Variants in DAB1 observed in about 807,000 individuals in gnomAD.
DAB1 encodes the protein DAB adaptor protein 1.
DAB1 carries 15 observed loss-of-function variants against 64.6 expected under a neutral mutation model. The ratio of observed to expected loss-of-function variants is 0.23; its 90% CI spans 0.16 to 0.36. DAB1 has a LOEUF of 0.36. Ranked by LOEUF, DAB1 falls within the 10% of genes least tolerant of loss-of-function variation. The probability of loss-of-function intolerance (pLI) is 1.00; values close to 1 mark genes in which losing one functional copy is unlikely to be tolerated. For synonymous variants in DAB1, 235 were observed against 251.9 expected (o/e 0.93, Z 0.64); for missense variants, 596 against 706.7 (o/e 0.84, Z 1.78).
At chr1:58,292,241 A>T (rs1055114802) in intron 4 of DAB1, among the ~76,000 whole-genome samples, 1 of 152,110 alleles carries the variant, frequency 6.6e-6, no homozygotes, top group Non-Finnish European at 1.5e-5. Context: ...AGCTTCCGTA[A>T]TTGTGTGCTC....
chr1:58,392,176 G>A (rs1009813112), intron 3 of DAB1, among the ~76,000 whole-genome samples: 2 of 152,090 alleles, frequency 1.3e-5, no homozygotes, highest in African/African-American at 4.8e-5. Flanking sequence ...AGAGTTGAGG[G>A]GAAGAAAGAT....
chr1:57,532,897 A>T (rs1204632225), intron 7 of DAB1, among the ~76,000 whole-genome samples: 1 of 152,208 alleles, frequency 6.6e-6, no homozygotes, highest in Non-Finnish European at 1.5e-5. Context: ...TAATCATTTT[A>T]TATGTATTAA....
At chr1:57,362,472 T>C (rs1167732836) in intron 1 of DAB1, among the ~76,000 whole-genome samples, 2 of 152,284 alleles carry the variant, frequency 1.3e-5, no homozygotes, top group East Asian at 3.9e-4. Flanking sequence ...TAACCACTGA[T>C]ATGGTTGGAA....
At chr1:58,148,709 G>A (rs113031901) in intron 5 of DAB1, among the ~76,000 whole-genome samples, 3 of 152,130 alleles carry the variant, frequency 2.0e-5, no homozygotes, top group African/African-American at 7.2e-5. Context: ...CAGGGGAACT[G>A]CCCTTTATAA....
intron 4 of DAB1, among the ~76,000 whole-genome samples, chr1:58,177,037 A>G (rs1044209569): frequency 2.6e-5 from 4 of 152,164 alleles, no homozygotes; most frequent in African/African-American, 9.7e-5. Context: ...TTAAATTTCA[A>G]TATGAATTTT....
intron 6 of DAB1, among the ~76,000 whole-genome samples, chr1:57,729,355 A>T (rs1008226856): frequency 8.5e-5 from 13 of 152,180 alleles, no homozygotes; most frequent in African/African-American, 3.1e-4. Flanking sequence ...GGTGTCACAT[A>T]TGAGCCCAGC....
At chr1:58,435,814 T>C (rs1644937650) in intron 3 of DAB1, among the ~76,000 whole-genome samples, 1 of 152,374 alleles carries the variant, frequency 6.6e-6, no homozygotes, top group Admixed American at 6.5e-5. Context: ...AACTGTTCCA[T>C]AATTTATAAG....
At chr1:57,845,124 A>G (rs1293705670) in intron 1 of DAB1, among the ~76,000 whole-genome samples, 1 of 152,158 alleles carries the variant, frequency 6.6e-6, no homozygotes, top group African/African-American at 2.4e-5. Context: ...AGTCTCATTC[A>G]TGATATGGCC....
intron 5 of DAB1, among the ~76,000 whole-genome samples, chr1:57,890,153 G>A (rs1488083916): frequency 2.0e-5 from 3 of 152,146 alleles, no homozygotes; most frequent in Non-Finnish European, 4.4e-5. Flanking sequence ...AGGTTTGAGT[G>A]ATTGGAGTTA....
chr1:58,083,912 A>G (rs779715929), intron 5 of DAB1, among the ~76,000 whole-genome samples: 28 of 152,176 alleles, frequency 1.8e-4, no homozygotes, highest in Non-Finnish European at 3.5e-4. Flanking sequence ...CCATGAAAAA[A>G]TGTTTAAGTA....
intron 7 of DAB1, among the ~76,000 whole-genome samples, chr1:57,538,987 C>G (rs1401313513): frequency 6.6e-6 from 1 of 152,172 alleles, no homozygotes; most frequent in Non-Finnish European, 1.5e-5. Flanking sequence ...AAAATTGCAG[C>G]CTTAGCATTT....
intron 3 of DAB1, among the ~76,000 whole-genome samples, chr1:58,477,170 GC>G (rs1645427122): frequency 6.6e-6 from 1 of 152,120 alleles, no homozygotes; most frequent in Non-Finnish European, 1.5e-5. Flanking sequence ...AGTAAATGAT[GC>G]CATTTGTCCT....
intron 2 of DAB1, among the ~76,000 whole-genome samples, chr1:57,241,781 G>A (rs909156417): frequency 6.6e-6 from 1 of 152,084 alleles, no homozygotes; most frequent in African/African-American, 2.4e-5. Flanking sequence ...TCCATGGAAG[G>A]GAAGCTTTGG....
intron 7 of DAB1, among the ~76,000 whole-genome samples, chr1:57,575,929 C>A (rs956760182): frequency 6.6e-6 from 1 of 151,990 alleles, no homozygotes; most frequent in East Asian, 1.9e-4. Context: ...ATTAGGTTCA[C>A]CCCCCAAAAA....
intron 4 of DAB1, among the ~76,000 whole-genome samples, chr1:58,325,567 C>T (rs755600843): frequency 2.0e-5 from 3 of 152,118 alleles, no homozygotes; most frequent in Non-Finnish European, 4.4e-5. Context: ...TTGATCTGCC[C>T]ATTTCTATTT....
intron 7 of DAB1, among the ~76,000 whole-genome samples, chr1:57,436,750 T>C (rs1004880104): frequency 5.3e-5 from 8 of 151,906 alleles, no homozygotes; most frequent in African/African-American, 1.7e-4. Flanking sequence ...TGGCATAGGC[T>C]GGGTGCGGTG....
intron 4 of DAB1, among the ~76,000 whole-genome samples, chr1:58,186,844 T>C (rs140964860): frequency 6.6e-6 from 1 of 152,206 alleles, no homozygotes; most frequent in Non-Finnish European, 1.5e-5. Flanking sequence ...TGGACCAAGT[T>C]TGCTTTCATG....
chr1:58,289,752 C>G (rs928751917), intron 4 of DAB1, among the ~76,000 whole-genome samples: 1 of 152,254 alleles, frequency 6.6e-6, no homozygotes, highest in East Asian at 1.9e-4. Flanking sequence ...GGCAGATACC[C>G]TCTCCCCTCT....
chr1:58,087,178 C>T (rs1235215763), intron 5 of DAB1, among the ~76,000 whole-genome samples: 1 of 152,118 alleles, frequency 6.6e-6, no homozygotes, highest in Non-Finnish European at 1.5e-5. Flanking sequence ...AAAGTTATAG[C>T]ATATGTAAGG....
Sources: gnomAD v4.1 joint callset for allele counts (sites outside exome capture counted in the v4.1 genomes callset) on GRCh38, gnomAD v4.1.1 for gene constraint, MANE v1.5 for transcripts, NCBI Gene and HGNC (gene_info 2026-07-23, HGNC 2026-07-21) for gene names.